Variants in SLC41A3 observed in about 807,000 individuals in gnomAD.
SLC41A3 encodes the protein solute carrier family 41 member 3.
In SLC41A3, 44 loss-of-function variants were observed where a neutral mutation model predicts 45.4. The observed-to-expected ratio is 0.97, with a 90% CI of 0.76 to 1.25. SLC41A3 has a LOEUF of 1.25. Among genes scored for constraint, SLC41A3 ranks in the 50% most tolerant of loss-of-function variants. SLC41A3 has a pLI of 0.00. For synonymous variants in SLC41A3, 256 were observed against 252.4 expected, an observed-to-expected ratio of 1.01 and a Z score of -0.13; for missense variants, 550 against 600.6, an observed-to-expected ratio of 0.92 and a Z score of 0.88.
chr3:126,061,793 G>T (rs1053855998), intron 2 of SLC41A3, among the ~76,000 whole-genome samples: 2 of 151,954 alleles, frequency 1.3e-5, no homozygotes, highest in Non-Finnish European at 2.9e-5. Context: ...TTGCTAACAA[G>T]CCCACACAGC....
Position 126,026,536 on chromosome 3 carries a change from C to G in SLC41A3, c.454-57G>C. On this transcript the variant is annotated intron_variant, in intron 4 of 10. Coordinates refer to ENST00000360370, the MANE Select transcript of SLC41A3 (RefSeq NM_017836.4). The surrounding 1 kb of genome is among the most constrained non-coding windows in gnomAD (Gnocchi z 4.2). ...GGCCCCGGGGCCACAGCCACACTCC[C>G]TGCCCTTCACACCTCACTCACCGCA... The G allele has an allele frequency of 3.2e-6, 5 of 1,570,010 alleles. No homozygotes were observed. The highest frequency in any genetic ancestry group is 4.3e-6 in the Non-Finnish European group (5 of 1,155,812).
intron 7 of SLC41A3, 120 bp downstream of exon 7, chr3:126,016,611 A>G: frequency 7.6e-7 from 1 of 1,309,620 alleles, no homozygotes; most frequent in Non-Finnish European, 1.0e-6. Context: ...AGTTACTGAA[A>G]GAGCCCACAG....
intron 1 of SLC41A3, among the ~76,000 whole-genome samples, chr3:126,074,509 A>G (rs1197850165): frequency 6.6e-6 from 1 of 152,192 alleles, no homozygotes; most frequent in East Asian, 1.9e-4. Flanking sequence ...ATCCCTGTTT[A>G]CAGACGACAT....
intron 2 of SLC41A3, among the ~76,000 whole-genome samples, chr3:126,057,765 C>T (rs191598648): frequency 3.3e-5 from 5 of 152,314 alleles, no homozygotes; most frequent in Admixed American, 3.3e-4. Context: ...ATATTTCTTG[C>T]ACTGCGTCTT....
intron 1 of SLC41A3, among the ~76,000 whole-genome samples, chr3:126,096,813 C>T (rs1445400707): frequency 1.3e-5 from 2 of 152,218 alleles, no homozygotes; most frequent in East Asian, 1.9e-4. Context: ...CCACTTCACA[C>T]CTCTGTATTT....
intron 1 of SLC41A3, among the ~76,000 whole-genome samples, chr3:126,078,389 G>T (rs1327651480): frequency 1.3e-5 from 2 of 152,138 alleles, no homozygotes; most frequent in African/African-American, 4.8e-5. Flanking sequence ...GAGAAGAAAG[G>T]AGAGGAGGAG....
chr3:126,092,195 C>A (rs1049098338), intron 1 of SLC41A3, among the ~76,000 whole-genome samples: 4 of 152,190 alleles, frequency 2.6e-5, no homozygotes, highest in African/African-American at 9.6e-5. Context: ...ATGGCCATAA[C>A]GCCCACACTG....
intron 7 of SLC41A3, 112 bp downstream of exon 7, chr3:126,016,619 C>T (rs1353712554): frequency 2.9e-6 from 4 of 1,367,762 alleles, no homozygotes; most frequent in Non-Finnish European, 3.9e-6. Flanking sequence ...AAAGAGCCCA[C>T]AGCTACATTT....
At chr3:126,024,224 C>T (rs889899178) in intron 5 of SLC41A3, 5 of 152,276 alleles carry the variant, frequency 3.3e-5, no homozygotes, top group African/African-American at 9.7e-5. Flanking sequence ...AAGCTTCATC[C>T]GATCTCTGGG....
chr3:126,043,947 T>C lies in SLC41A3; in HGVS notation c.381+6996A>G, dbSNP rs79685136. Reference sequence around the variant, plus strand: ...AGTCCTTTCCTATCAGTAATTACTTTCAATGTAAATGGGTTAAATCCCTCA... The same window carrying C: ...AGTCCTTTCCTATCAGTAATTACTTCCAATGTAAATGGGTTAAATCCCTCA... On this transcript the variant is annotated intron_variant, in intron 3 of 10. Transcript: ENST00000360370. Among the ~76,000 whole-genome samples the C allele has an allele frequency of 2.5e-3, 377 of 152,160 alleles. 13 individuals carry two copies. The East Asian group carries it at 0.066, about 27-fold the overall frequency.
At chr3:126,085,043 C>T (rs888583945), upstream of SLC41A3, among the ~76,000 whole-genome samples, 1 of 152,224 alleles carries the variant, frequency 6.6e-6, no homozygotes, top group Admixed American at 6.5e-5. Context: ...GTCTCCACAA[C>T]CTCTTAACCC....
In SLC41A3 at chr3:126,044,895, C is replaced by CAAAAAAAAAAAAAA. The variant is rs57581225; in HGVS notation, c.381+6034_381+6047dup. Among the ~76,000 whole-genome samples the CAAAAAAAAAAAAAA allele has an allele frequency of 7.0e-4, 58 of 82,716 alleles. 13 individuals carry two copies. Among genetic ancestry groups the CAAAAAAAAAAAAAA allele is most frequent in the Non-Finnish European group, 8.9e-4 (40 of 45,142 alleles). 54.3% of individuals were successfully genotyped at this position (82,716 alleles called of 152,430 possible). On this transcript the variant is annotated intron_variant, in intron 3 of 10. Transcript: ENST00000360370. ...TGGGCGACAGAGCGAGACTCCATCT[C>CAAAAAAAAAAAAAA]AAAAAAAAAAAAAAAAAAAAAAAAA... is the stretch of plus-strand genomic sequence containing the variant.
chr3:126,084,914 C>T (rs1945342977), upstream of SLC41A3, among the ~76,000 whole-genome samples: 1 of 152,190 alleles, frequency 6.6e-6, no homozygotes. Flanking sequence ...GCCTCATTAT[C>T]CCTCTCCTGC....
At chr3:126,020,956 G>A (rs533551782) in intron 6 of SLC41A3, among the ~76,000 whole-genome samples, 3 of 151,442 alleles carry the variant, frequency 2.0e-5, no homozygotes, top group South Asian at 4.2e-4. Flanking sequence ...GTACAGTGGC[G>A]CTATCCCGGC....
At chr3:126,010,060 A>C (rs1175326694) in intron 9 of SLC41A3, among the ~76,000 whole-genome samples, 1 of 152,266 alleles carries the variant, frequency 6.6e-6, no homozygotes. Flanking sequence ...CTTGGGCTGC[A>C]ATGAACAACA....
At chr3:126,013,837 G>A (rs966062967) in intron 8 of SLC41A3, among the ~76,000 whole-genome samples, 6 of 152,176 alleles carry the variant, frequency 3.9e-5, no homozygotes, top group East Asian at 3.9e-4. Flanking sequence ...GAAACAGGAC[G>A]AGCGGGGTCA....
chr3:126,072,938 T>C (rs1658849281), intron 1 of SLC41A3, among the ~76,000 whole-genome samples: 1 of 152,010 alleles, frequency 6.6e-6, no homozygotes, highest in South Asian at 2.1e-4. Flanking sequence ...TATGCAGCCA[T>C]GAAAAAACAA....
At chr3:126,037,929 A>G (rs956193732) in intron 3 of SLC41A3, among the ~76,000 whole-genome samples, 3 of 152,202 alleles carry the variant, frequency 2.0e-5, no homozygotes, top group African/African-American at 7.2e-5. Context: ...CTGCTTCCCT[A>G]CACAGCCCTG....
At position 126,068,133 on chromosome 3, in the gene SLC41A3, T is replaced by A. The variant is rs1286368859; in HGVS notation, c.87A>T (p.Gly29=). 1 of 1,611,058 alleles carries A rather than the reference T, an allele frequency of 6.2e-7. No homozygotes were observed. Among genetic ancestry groups the A allele is most frequent in the Admixed American group, 1.7e-5 (1 of 59,368 alleles). ...ELGLPHPLST[G]GLPVASEDGA... is the part of the protein sequence containing the mutation. ...CATCTTCTGAGGCTACAGGGAGTCC[T>A]CCTGTGCTGAGGGGGTGAGGAAGCC... is the stretch of plus-strand genomic sequence containing the variant. The change falls in exon 2 of 11, where the codon GGA becomes GGT. Residue 29 remains glycine (G), a synonymous_variant. Coordinates refer to ENST00000360370, the MANE Select transcript of SLC41A3 (RefSeq NM_017836.4).
Sources: gnomAD v4.1 joint callset for allele counts (sites outside exome capture counted in the v4.1 genomes callset) on GRCh38, gnomAD v4.1.1 for gene constraint, Gnocchi (gnomAD v3.1) non-coding constraint, MANE v1.5 for transcripts, NCBI Gene and HGNC (gene_info 2026-07-23, HGNC 2026-07-21) for gene names.